CPT1A: variants seen among roughly 807,000 people sequenced by gnomAD.
CPT1A encodes the protein carnitine palmitoyltransferase 1A, also known as carnitine O-palmitoyltransferase 1, liver isoform.
A neutral mutation model predicts 100.8 loss-of-function variants in CPT1A; 64 were observed. The observed-to-expected ratio is 0.63, with a 90% CI of 0.52 to 0.78. The LOEUF (loss-of-function observed/expected upper bound fraction) is 0.78. Among genes scored for constraint, CPT1A ranks in the 30% least tolerant of loss-of-function variants. CPT1A has a pLI of 0.00. For missense variants in CPT1A, 802 were observed against 1,034.1 expected (o/e 0.78, Z 3.08); for synonymous variants, 363 against 396.0 (o/e 0.92, Z 0.99).
At chr11:68,798,876 T>C (rs1315728159) in intron 6 of CPT1A, among the ~76,000 whole-genome samples, 1 of 152,120 alleles carries the variant, frequency 6.6e-6, no homozygotes, top group East Asian at 1.9e-4. Flanking sequence ...AAACTGTCAC[T>C]GTAGGCTGGG....
chr11:68,764,191 C>T (rs537543971), intron 14 of CPT1A, among the ~76,000 whole-genome samples: 1 of 152,342 alleles, frequency 6.6e-6, no homozygotes, highest in South Asian at 2.1e-4. Context: ...GGAGGAACAG[C>T]ATCTGCGTGC....
intron 8 of CPT1A, among the ~76,000 whole-genome samples, chr11:68,794,306 GT>G (rs1248376238): frequency 6.6e-6 from 1 of 152,204 alleles, no homozygotes; most frequent in Non-Finnish European, 1.5e-5. Context: ...GGGCAGAGGG[GT>G]TTTCGGGTTG....
At chr11:68,773,127 C>A in intron 14 of CPT1A, 138 bp downstream of exon 14, 1 of 1,486,904 alleles carries the variant, frequency 6.7e-7, no homozygotes, top group Admixed American at 2.3e-5. Context: ...ACCCGGCCCC[C>A]GGAGACCGGG....
chr11:68,758,880 A>C (rs1266583694), intron 18 of CPT1A, among the ~76,000 whole-genome samples: 1 of 151,964 alleles, frequency 6.6e-6, no homozygotes, highest in Non-Finnish European at 1.5e-5. Context: ...AGCCTCCCAA[A>C]GTGCTGAGAT....
At chr11:68,831,113 T>C (rs1181355354) in intron 1 of CPT1A, among the ~76,000 whole-genome samples, 2 of 152,280 alleles carry the variant, frequency 1.3e-5, no homozygotes, top group African/African-American at 2.4e-5. Flanking sequence ...ACTTTGTTTT[T>C]TGAAAGTGTT....
intron 1 of CPT1A, among the ~76,000 whole-genome samples, chr11:68,832,272 A>C (rs1856899034): frequency 6.6e-6 from 1 of 152,150 alleles, no homozygotes; most frequent in Non-Finnish European, 1.5e-5. Context: ...AATATGGTGA[A>C]ACCCTGTCTC....
chr11:68,792,512 G>A (rs1014308928), intron 9 of CPT1A, among the ~76,000 whole-genome samples: 2 of 152,194 alleles, frequency 1.3e-5, no homozygotes, highest in African/African-American at 4.8e-5. Context: ...GGAGGCCATG[G>A]ACAGCACAGC....
chr11:68,786,035 T>C (rs1566358528), intron 9 of CPT1A: 1 of 702,250 alleles, frequency 1.4e-6, no homozygotes, highest in Non-Finnish European at 2.6e-6. Flanking sequence ...AGGCAGATCG[T>C]CTAGTGAGGA....
chr11:68,795,528 G>A (rs554116042), intron 7 of CPT1A, among the ~76,000 whole-genome samples: 91 of 152,098 alleles, frequency 6.0e-4, no homozygotes, highest in African/African-American at 2.1e-3. Context: ...CTACACTAAC[G>A]GTTTTTCTTT....
At chr11:68,818,152 C>T (rs898807475) in intron 1 of CPT1A, among the ~76,000 whole-genome samples, 3 of 152,176 alleles carry the variant, frequency 2.0e-5, no homozygotes, top group African/African-American at 7.2e-5. Flanking sequence ...GCCTGGCCCA[C>T]TCTGTCAGTG....
chr11:68,829,878 G>A (rs563762698), intron 1 of CPT1A, among the ~76,000 whole-genome samples: 7 of 152,134 alleles, frequency 4.6e-5, no homozygotes, highest in African/African-American at 1.7e-4. Flanking sequence ...TGGGGCCGCG[G>A]ATGTGTCTAT....
intron 2 of CPT1A, among the ~76,000 whole-genome samples, chr11:68,813,529 CAAAAA>C (rs10590789): frequency 1.2e-5 from 1 of 81,524 alleles, no homozygotes; most frequent in Non-Finnish European, 2.4e-5. Context: ...AGGCTCTGTC[CAAAAA>C]AAAAAAAAAA....
chr11:68,768,605 C>T (rs1447629660), intron 14 of CPT1A, among the ~76,000 whole-genome samples: 2 of 151,798 alleles, frequency 1.3e-5, no homozygotes, highest in African/African-American at 2.4e-5. Flanking sequence ...GGGGTTTTAC[C>T]ATGTTGTCCA....
At position 68,841,810 on chromosome 11, in the gene CPT1A, A is replaced by T; in HGVS notation, c.-49T>A. The T allele has an allele frequency of 1.0e-6, 1 of 993,548 alleles. No homozygotes were observed. Among genetic ancestry groups the T allele is most frequent in the Non-Finnish European group, 1.2e-6 (1 of 836,710 alleles). 61.5% of individuals were successfully genotyped at this position (993,548 alleles called of 1,614,324 possible). ...ACGGAGGTGCGGCAGCGGCAGCGGC[A>T]GCGGCGGCGGCGGCGGCGGCGGTGG... On this transcript the variant is annotated 5_prime_UTR_variant, in exon 1 of 19. Transcript: ENST00000265641. This position sits in a 1 kb window ranked among gnomAD's most constrained non-coding sequence, Gnocchi z 6.3.
rs181335994 is a variant in CPT1A, at chr11:68,805,399, C to G, written c.454-1298G>C. Among the ~76,000 whole-genome samples the G allele has an allele frequency of 9.3e-5, 14 of 151,276 alleles. 1 individual carries two copies. Among genetic ancestry groups the G allele is most frequent in the Non-Finnish European group, 1.6e-4 (11 of 67,932 alleles). On this transcript the variant is annotated intron_variant, in intron 4 of 18. Coordinates refer to ENST00000265641, the MANE Select transcript of CPT1A (RefSeq NM_001876.4). Reference sequence around the variant, plus strand: ...CCGGGAGGCGGAGGTTGTAATGAGCCGAGATTGCACCACTGCACTCCAGCC... The same window carrying G: ...CCGGGAGGCGGAGGTTGTAATGAGCGGAGATTGCACCACTGCACTCCAGCC...
At chr11:68,825,153 C>T (rs755179282) in intron 1 of CPT1A, among the ~76,000 whole-genome samples, 4 of 151,956 alleles carry the variant, frequency 2.6e-5, no homozygotes, top group Admixed American at 1.3e-4. Context: ...AATGGAGGGA[C>T]GGGTAGGAAG....
chr11:68,799,652 G>A (rs1855851354), intron 5 of CPT1A, among the ~76,000 whole-genome samples: 2 of 152,038 alleles, frequency 1.3e-5, no homozygotes, highest in South Asian at 4.1e-4. Context: ...CTACCTGGGG[G>A]GCTGAGGTTG....
chr11:68,775,119 C>G (rs1166986912), intron 13 of CPT1A, among the ~76,000 whole-genome samples, 197 bp downstream of exon 13: 1 of 152,168 alleles, frequency 6.6e-6, no homozygotes, highest in African/African-American at 2.4e-5. Flanking sequence ...GAAATATTTA[C>G]CGAGGCTTCC....
At chr11:68,818,224 C>T (rs1323218972) in intron 1 of CPT1A, among the ~76,000 whole-genome samples, 3 of 152,136 alleles carry the variant, frequency 2.0e-5, no homozygotes, top group Non-Finnish European at 2.9e-5. Context: ...GCACCTTGAG[C>T]TGCACTTGCT....
Sources: allele counts gnomAD v4.1 joint callset (sites outside exome capture counted in the v4.1 genomes callset), GRCh38; gene constraint gnomAD v4.1.1; non-coding constraint Gnocchi (gnomAD v3.1); transcripts MANE v1.5; gene names NCBI Gene and HGNC (gene_info 2026-07-23, HGNC 2026-07-21).